ZNF37A: variants seen among roughly 807,000 people sequenced by gnomAD.
The protein encoded by ZNF37A is zinc finger protein 37a (KOX 21).
ZNF37A carries 10 observed loss-of-function variants against 12.3 expected under a neutral mutation model. The observed-to-expected ratio is 0.82, with a 90% CI of 0.50 to 1.38. The LOEUF (loss-of-function observed/expected upper bound fraction) is 1.38, where lower values mean the gene tolerates loss of function less well. Among genes scored for constraint, ZNF37A ranks in the 40% most tolerant of loss-of-function variants. ZNF37A has a pLI of 0.00. For synonymous variants in ZNF37A, 207 were observed against 223.0 expected, an observed-to-expected ratio of 0.93 and a Z score of 0.64; for missense variants, 580 against 651.2, an observed-to-expected ratio of 0.89 and a Z score of 1.19.
chr10:38,146,503 G>C (rs1199855779), intron 7 of ZNF37A, among the ~76,000 whole-genome samples: 1 of 152,276 alleles, frequency 6.6e-6, no homozygotes, highest in African/African-American at 2.4e-5. Flanking sequence ...TTGGTGAAAA[G>C]ACAGATCCCG....
At chr10:38,104,545 C>T (rs1342600023) in intron 5 of ZNF37A, among the ~76,000 whole-genome samples, 1 of 151,650 alleles carries the variant, frequency 6.6e-6, no homozygotes, top group African/African-American at 2.4e-5. Flanking sequence ...TTTCAGCCTA[C>T]CCCCCACATC....
downstream of ZNF37A, chr10:38,125,116 A>G (rs1376588673): frequency 6.6e-6 from 1 of 152,226 alleles, no homozygotes; most frequent in South Asian, 2.1e-4. Flanking sequence ...GATGATTTCT[A>G]TATAGGACAA....
intron 5 of ZNF37A, among the ~76,000 whole-genome samples, chr10:38,101,823 CT>C (rs3041908): frequency 0.21 from 27,351 of 132,782 alleles, 2,687 homozygotes; most frequent in East Asian, 0.3. Context: ...TTTTATTTTT[CT>C]TTTTTTTTTT....
intron 7 of ZNF37A, among the ~76,000 whole-genome samples, chr10:38,116,132 A>C (rs946367366): frequency 5.9e-5 from 9 of 152,294 alleles, no homozygotes; most frequent in African/African-American, 1.9e-4. Flanking sequence ...TTCAGCGTGA[A>C]GCCTGAAAAA....
intron 7 of ZNF37A, among the ~76,000 whole-genome samples, chr10:38,135,586 C>T (rs2070097305): frequency 6.6e-6 from 1 of 151,928 alleles, no homozygotes; most frequent in Non-Finnish European, 1.5e-5. Context: ...TATAATTGTC[C>T]ATGTATTAGT....
intron 7 of ZNF37A, among the ~76,000 whole-genome samples, chr10:38,145,227 T>A (rs1435193813): frequency 1.3e-5 from 2 of 152,002 alleles, no homozygotes; most frequent in African/African-American, 4.8e-5. Flanking sequence ...AAAAAAAGGA[T>A]CAGAATGCCA....
rs2069407805 is a variant in ZNF37A at position 38,117,923 on chromosome 10, C to T, written c.772C>T (p.Leu258Phe). ...AACATTTTTCAGTGAAAAATTAGTC[C>T]TTCATTTACAACAGAGAACACATAC... is the stretch of plus-strand genomic sequence containing the variant. Reference protein sequence around the residue: ...CGTFFSEKLVLHLQQRTHTGE... With the variant: ...CGTFFSEKLVFHLQQRTHTGE... Residue 258 changes from leucine to phenylalanine, a missense_variant, in exon 8 of 8, where the codon CTT (leucine) becomes TTT (phenylalanine). Physicochemically the swap from Leu to Phe is conservative, Grantham distance 22. Transcript: ENST00000685332. 2 of 1,613,798 alleles carry T rather than the reference C, an allele frequency of 1.2e-6. No individual in the cohort carries two copies.
At chr10:38,098,193 C>T (rs2067299099) in intron 5 of ZNF37A, among the ~76,000 whole-genome samples, 1 of 151,976 alleles carries the variant, frequency 6.6e-6, no homozygotes, top group Admixed American at 6.6e-5. Flanking sequence ...ATGGATATAC[C>T]AACTTTTGTT....
At position 38,123,740 on chromosome 10, in the gene ZNF37A, T is replaced by G. The variant is rs1314114363; in HGVS notation, c.*4903T>G. 1.3e-5 allele frequency: 2 copies of G among 152,196 alleles called. No individual in the cohort carries two copies. Among genetic ancestry groups the G allele is most frequent in the Non-Finnish European group, 2.9e-5 (2 of 68,036 alleles). 9.4% of individuals were successfully genotyped at this position (152,196 alleles called of 1,614,324 possible). On this transcript the variant is annotated 3_prime_UTR_variant, in exon 8 of 8. Coordinates refer to ENST00000685332, the MANE Select transcript of ZNF37A (RefSeq NM_001324250.3). ...GGCAAACAGGCATATGAAAAGGTAC[T>G]CAACATCATTGATCCATTAGAGAAA...
Position 38,104,775 on chromosome 10 carries a change from TACAC to T in ZNF37A, c.15+8155_15+8158del, listed in dbSNP as rs34085657. On this transcript the variant is annotated intron_variant, in intron 5 of 7. Transcript: ENST00000685332. The stretch of plus-strand genomic sequence containing the variant: ...GGAAATACATGTGTGTATGTATACA[TACAC>T]ACACACACACAGAAATACACATGTG... Among the ~76,000 whole-genome samples the T allele has an allele frequency of 8.6e-3, 1,296 of 151,328 alleles. 8 individuals are homozygous for T. Among genetic ancestry groups the T allele is most frequent in the Middle Eastern group, 0.024 (7 of 290 alleles).
Position 38,115,347 on chromosome 10 carries a change from T to C in ZNF37A, c.238+57T>C, listed in dbSNP as rs2069186878. On this transcript the variant is annotated intron_variant, in intron 7 of 7. Coordinates refer to ENST00000685332, the MANE Select transcript of ZNF37A (RefSeq NM_001324250.3). ...GGAAGGTAGATCACAAAGGGTAAGT[T>C]TGGATAATAAGACCATTGAAATGTT... The C allele has an allele frequency of 6.3e-6, 10 of 1,575,396 alleles. No individual in the cohort carries two copies. In the African/African-American group the frequency reaches 6.8e-5, roughly 11 times the overall value.
rs1192222319 is a variant in ZNF37A at position 38,120,457 on chromosome 10, A to G, written c.*1620A>G. On this transcript the variant is annotated 3_prime_UTR_variant, in exon 8 of 8. Coordinates refer to ENST00000685332, the MANE Select transcript of ZNF37A (RefSeq NM_001324250.3). ...AAAAAAAGCAAAAATATACTTTGCT[A>G]TTGGGTAAGGTATAGTAGTTGGCAG... 6.6e-6 allele frequency: 1 copy of G among 152,220 alleles called. No homozygotes were observed. Among genetic ancestry groups the G allele is most frequent in the East Asian group, 1.9e-4 (1 of 5,178 alleles). The allele number at this position is 152,220 out of a possible 1,614,324, so 9.4% of individuals were successfully genotyped here.
chr10:38,143,615 C>T (rs2070215327), intron 7 of ZNF37A: 1 of 152,292 alleles, frequency 6.6e-6, no homozygotes, highest in Non-Finnish European at 1.5e-5. Context: ...AGCAAAATCT[C>T]ACTGTGGTGT....
chr10:38,105,866 G>A (rs181769811), intron 5 of ZNF37A, among the ~76,000 whole-genome samples: 95 of 152,212 alleles, frequency 6.2e-4, no homozygotes, highest in African/African-American at 2.0e-3. Flanking sequence ...CTGCAACTAT[G>A]CCAAAACTAT....
intron 7 of ZNF37A, 182 bp from the exon 8 acceptor site, chr10:38,117,208 A>G (rs2069337049): frequency 1.0e-6 from 1 of 985,052 alleles, no homozygotes; most frequent in Non-Finnish European, 1.2e-6. Context: ...ACTTTTAGAA[A>G]TTTAATTTGT....
At chr10:38,112,565 C>CTT (rs372900277) in intron 5 of ZNF37A, among the ~76,000 whole-genome samples, 4 of 144,600 alleles carry the variant, frequency 2.8e-5, no homozygotes, top group African/African-American at 1.0e-4. Context: ...CTCTCCTTAG[C>CTT]TTTTTTTTTT....
chr10:38,103,182 T>C (rs1416655194), intron 5 of ZNF37A, among the ~76,000 whole-genome samples: 1 of 152,182 alleles, frequency 6.6e-6, no homozygotes, highest in Non-Finnish European at 1.5e-5. Context: ...GTGGGTATGT[T>C]TGATGTTGTC....
Position 38,119,024 on chromosome 10 carries a change from T to G in ZNF37A, c.*187T>G, listed in dbSNP as rs1198939665. Reference sequence around the variant, plus strand: ...CTGGAATTTGGACCATACACTATGTTACAAAACTAAAAGTGGAAAAAACTT... The same window carrying G: ...CTGGAATTTGGACCATACACTATGTGACAAAACTAAAAGTGGAAAAAACTT... On this transcript the variant is annotated 3_prime_UTR_variant, in exon 8 of 8. Transcript: ENST00000685332. 1 of 1,280,330 alleles carries G rather than the reference T, an allele frequency of 7.8e-7. No homozygotes were observed. The highest frequency in any genetic ancestry group is 3.0e-5 in the East Asian group (1 of 33,460). The allele number at this position is 1,280,330 out of a possible 1,614,324, so 79.3% of individuals were successfully genotyped here.
chr10:38,135,205 T>A (rs2070092000), intron 7 of ZNF37A, among the ~76,000 whole-genome samples: 1 of 152,140 alleles, frequency 6.6e-6, no homozygotes, highest in Admixed American at 6.5e-5. Context: ...GCCAACATTG[T>A]GAAACCCCGT....
Sources: gnomAD v4.1 joint callset for allele counts (sites outside exome capture counted in the v4.1 genomes callset) on GRCh38, gnomAD v4.1.1 for gene constraint, MANE v1.5 for transcripts, NCBI Gene and HGNC (gene_info 2026-07-23, HGNC 2026-07-21) for gene names.